The following MYH4 variants were observed in gnomAD, a reference collection of about 807,000 sequenced individuals.
MYH4 encodes myosin heavy chain 4.
A neutral mutation model predicts 229.9 loss-of-function variants in MYH4; 200 were observed. That is an observed-to-expected ratio of 0.87 (90% CI 0.78 to 0.98). The LOEUF (loss-of-function observed/expected upper bound fraction) is 0.98, where lower values mean the gene tolerates loss of function less well. Among genes scored for constraint, MYH4 ranks in the 50% least tolerant of loss-of-function variants. The pLI, the probability that MYH4 is intolerant of heterozygous loss-of-function variation, is 0.00. For synonymous variants in MYH4, 761 were observed against 834.6 expected (o/e 0.91, Z 1.52); for missense variants, 2,148 against 2,332.6 (o/e 0.92, Z 1.63).
chr17:10,456,681 A>G (rs1412889566), intron 16 of MYH4, 126 bp from the exon 17 acceptor site: 2 of 699,228 alleles, frequency 2.9e-6, no homozygotes, highest in Non-Finnish European at 5.0e-6. Flanking sequence ...CATCATTCCT[A>G]TTCTTTCCAT....
chr17:10,452,675 C>A, intron 25 of MYH4, 112 bp downstream of exon 25: 2 of 1,348,056 alleles, frequency 1.5e-6, no homozygotes, highest in South Asian at 2.8e-5. Flanking sequence ...TCAAAGATGT[C>A]ATTATTTTTT....
rs2072631556 is a variant in MYH4, at chr17:10,455,721, C to T, written c.2067G>A (p.Glu689=). ...PNETKTPGAM[E]HELVLHQLRC... ...TCAGCTGATGCAGGACAAGCTCATGCTCCATGGCACCTAAGAGAATGAATC... is the reference window on the plus strand; with the variant it reads ...TCAGCTGATGCAGGACAAGCTCATGTTCCATGGCACCTAAGAGAATGAATC... Residue 689 remains glutamate (E), a synonymous_variant, in exon 19 of 40, where the codon GAG becomes GAA. Coordinates refer to ENST00000255381, the MANE Select transcript of MYH4 (RefSeq NM_017533.2). The T allele has an allele frequency of 6.2e-7, 1 of 1,614,164 alleles. No homozygotes were observed. Among genetic ancestry groups the T allele is most frequent in the East Asian group, 2.2e-5 (1 of 44,872 alleles).
chr17:10,455,065 C>T lies in MYH4; in HGVS notation c.2311G>A (p.Ala771Thr), dbSNP rs1368046636. 1 of 1,614,150 alleles carries T rather than the reference C, an allele frequency of 6.2e-7. No individual in the cohort carries two copies. The highest frequency in any genetic ancestry group is 1.1e-5 in the South Asian group (1 of 91,080). ...KFGHTKVFFK[A>T]GLLGTLEEMR... is the part of the protein sequence containing the mutation. Reference sequence around the variant, plus strand: ...TCCTCTAGAGTTCCCAGCAGGCCAGCTTTGAAGAAAACCTTATGAAAGAAC... The same window carrying T: ...TCCTCTAGAGTTCCCAGCAGGCCAGTTTTGAAGAAAACCTTATGAAAGAAC... The change falls in exon 21 of 40, where the codon GCT (alanine) becomes ACT (threonine). Residue 771 changes from alanine to threonine, a missense_variant. Transcript: ENST00000255381.
chr17:10,466,063 C>T (rs535098127), intron 4 of MYH4, among the ~76,000 whole-genome samples: 1 of 152,108 alleles, frequency 6.6e-6, no homozygotes, highest in East Asian at 1.9e-4. Context: ...CGTGAGCCAC[C>T]GCGCCCGGCC....
rs564658370 is a variant in MYH4, at chr17:10,454,925, G to T, written c.2435+16C>A. The stretch of plus-strand genomic sequence containing the variant: ...ATGAAAGTGTGGAGCAGGAAGACTT[G>T]TGTGTGGGCTCTCACCTCCTCTCCA... On this transcript the variant is annotated intron_variant, in intron 21 of 39. Transcript: ENST00000255381. 1.2e-6 allele frequency: 2 copies of T among 1,613,712 alleles called. No homozygotes were observed. The highest frequency in any genetic ancestry group is 2.2e-5 in the East Asian group (1 of 44,874).
rs1478874873 is a variant in MYH4, at chr17:10,461,045, C to T, written c.1018G>A (p.Asp340Asn). Residue 340 changes from aspartate (D) to asparagine (N), a missense_variant, in exon 12 of 40, where the codon GAC (aspartate) becomes AAC (asparagine). Coordinates refer to ENST00000255381, the MANE Select transcript of MYH4 (RefSeq NM_017533.2). ...EELMATDSAV[D>N]ILGFTADEKV... ...TCATCAGCAGTGAAACCCAGGATGT[C>T]CACAGCACTCTGTCAAAAGAGTTGA... The T allele has an allele frequency of 1.9e-6, 3 of 1,614,004 alleles. No homozygotes were observed. Among genetic ancestry groups the T allele is most frequent in the African/African-American group, 1.3e-5 (1 of 75,006 alleles).
rs1437459936 is a variant in MYH4 at position 10,464,559 on chromosome 17, C to G, written c.561G>C (p.Val187=). The part of the protein sequence containing the change: ...ITGESGAGKT[V]NTKRVIQYFA... The stretch of plus-strand genomic sequence containing the variant: ...AGTACTGGATGACACGCTTCGTGTT[C>G]ACAGTCTTCCCTGCACCAGATTCTC... The change falls in exon 7 of 40, where the codon GTG becomes GTC. Residue 187 remains valine, a synonymous_variant. Transcript: ENST00000255381. 1 of 1,613,890 alleles carries G rather than the reference C, an allele frequency of 6.2e-7. No homozygotes were observed. Among genetic ancestry groups the G allele is most frequent in the Non-Finnish European group, 8.5e-7 (1 of 1,179,956 alleles).
At chr17:10,456,838 T>A (rs1484739727) in intron 16 of MYH4, among the ~76,000 whole-genome samples, 7 of 152,218 alleles carry the variant, frequency 4.6e-5, no homozygotes, top group African/African-American at 1.7e-4. Flanking sequence ...AAGTCAGCAA[T>A]GTCTGTTCTC....
At chr17:10,447,487 C>A (rs943892679) in intron 34 of MYH4, among the ~76,000 whole-genome samples, 1 of 152,130 alleles carries the variant, frequency 6.6e-6, no homozygotes, top group Admixed American at 6.6e-5. Context: ...TAGACTTCAG[C>A]GAGTCCAGTG....
chr17:10,453,461 A>G, intron 23 of MYH4, 133 bp from the exon 24 acceptor site: 2 of 1,556,816 alleles, frequency 1.3e-6, no homozygotes, highest in Non-Finnish European at 8.7e-7. Context: ...CCAGGCCTAT[A>G]ATGGCTGAAA....
At position 10,457,767 on chromosome 17, in the gene MYH4, C is replaced by T. The variant is rs190869959; in HGVS notation, c.1588-38G>A. ...AAAAAGGGATGATAATGATGAGTCC[C>T]TCAGAAAGTTATGCTCCATGTAATT... On this transcript the variant is annotated intron_variant, in intron 15 of 39. Coordinates refer to ENST00000255381, the MANE Select transcript of MYH4 (RefSeq NM_017533.2). 26 of 1,584,338 alleles carry T rather than the reference C, an allele frequency of 1.6e-5. No individual in the cohort carries two copies. In the Admixed American group the frequency reaches 1.9e-4, roughly 12 times the overall value.
chr17:10,457,282 T>C (rs974747468), intron 16 of MYH4, 138 bp downstream of exon 16: 113 of 968,474 alleles, frequency 1.2e-4, no homozygotes, highest in Admixed American at 2.3e-4. Flanking sequence ...ATCACAGTTA[T>C]TAAATACACT....
At position 10,443,298 on chromosome 17, in the gene MYH4, C is replaced by T; in HGVS notation, c.*77G>A. 3.5e-6 allele frequency: 5 copies of T among 1,441,144 alleles called. No individual in the cohort carries two copies. Among genetic ancestry groups the T allele is most frequent in the East Asian group, 2.3e-5 (1 of 43,202 alleles). The allele number at this position is 1,441,144 out of a possible 1,614,324, so 89.3% of individuals were successfully genotyped here. Reference sequence around the variant, plus strand: ...CAAAATTATCTAAAGATTTTATTTCCTTGATATACAGGACAGTGACAAAGA... The same window carrying T: ...CAAAATTATCTAAAGATTTTATTTCTTTGATATACAGGACAGTGACAAAGA... On this transcript the variant is annotated 3_prime_UTR_variant, in exon 40 of 40. Coordinates refer to ENST00000255381, the MANE Select transcript of MYH4 (RefSeq NM_017533.2). This position sits in a 1 kb window ranked among gnomAD's most constrained non-coding sequence, Gnocchi z 4.6.
rs549839807 is a variant in MYH4 at position 10,455,869 on chromosome 17, C to T, written c.2001G>A (p.Arg667=). ...ENLNKLMTNL[R]STHPHFVRCI... The stretch of plus-strand genomic sequence containing the variant: ...ACCGCACAAAGTGGGGGTGAGTGCT[C>T]CTCAAGTTGGTCATCAGCTTATTCA... Residue 667 remains arginine (R), a synonymous_variant, in exon 18 of 40, where the codon AGG becomes AGA. Coordinates refer to ENST00000255381, the MANE Select transcript of MYH4 (RefSeq NM_017533.2). The T allele has an allele frequency of 8.1e-6, 13 of 1,614,162 alleles. No individual in the cohort carries two copies. Among genetic ancestry groups the T allele is most frequent in the Admixed American group, 1.7e-5 (1 of 60,020 alleles).
At position 10,466,167 on chromosome 17, in the gene MYH4, TAAAAG is replaced by T. The variant is rs1478388266; in HGVS notation, c.348+101_348+105del. On this transcript the variant is annotated intron_variant, in intron 4 of 39. Transcript: ENST00000255381. ...ACAACATTAACCAAACAATTGGTCA[TAAAAG>T]AACAGTTCAATAGCCAAATGTATTG... 2.2e-6 allele frequency: 3 copies of T among 1,338,578 alleles called. No individual in the cohort carries two copies. The African/African-American group carries it at 4.4e-5, about 20-fold the overall frequency. The allele number at this position is 1,338,578 out of a possible 1,614,324, so 82.9% of individuals were successfully genotyped here.
At chr17:10,450,676 T>A (rs781120388) in intron 29 of MYH4, 27 bp from the exon 30 acceptor site, 9 of 1,612,706 alleles carry the variant, frequency 5.6e-6, no homozygotes, top group Non-Finnish European at 8.5e-7. Flanking sequence ...CTATGTGATA[T>A]AAGTTTATCT....
intron 28 of MYH4, 37 bp downstream of exon 28, chr17:10,451,289 T>C (rs779780231): frequency 6.2e-7 from 1 of 1,606,626 alleles, no homozygotes; most frequent in African/African-American, 1.3e-5. Flanking sequence ...CTTTCATTCG[T>C]CACCTCTCCG....
Position 10,447,137 on chromosome 17 carries a change from G to C in MYH4, c.5045C>G (p.Ala1682Gly), listed in dbSNP as rs1036347756. ...KEQLAMVERR[A>G]NLMQAEVEEL... ...TTCAACTTCAGCCTGCATCAGGTTAGCTCTGCGCTCAACCATTGCCAGTTG... is the reference window on the plus strand; with the variant it reads ...TTCAACTTCAGCCTGCATCAGGTTACCTCTGCGCTCAACCATTGCCAGTTG... Residue 1682 changes from alanine (A) to glycine (G), a missense_variant, in exon 35 of 40, where the codon GCT becomes GGT. Transcript: ENST00000255381. The C allele has an allele frequency of 1.2e-6, 2 of 1,614,006 alleles. No homozygotes were observed. The highest frequency in any genetic ancestry group is 1.6e-4 in the Middle Eastern group (1 of 6,084).
chr17:10,459,825 T>C, intron 14 of MYH4, 127 bp downstream of exon 14: 1 of 1,553,108 alleles, frequency 6.4e-7, no homozygotes, highest in Non-Finnish European at 8.8e-7. Flanking sequence ...TTTTCATATC[T>C]TTTCAAAGAC....
Sources: gnomAD v4.1 joint callset for allele counts (sites outside exome capture counted in the v4.1 genomes callset) on GRCh38, gnomAD v4.1.1 for gene constraint, Gnocchi (gnomAD v3.1) non-coding constraint, MANE v1.5 for transcripts, NCBI Gene and HGNC (gene_info 2026-07-23, HGNC 2026-07-21) for gene names.